Variants in TNS3 observed in about 807,000 individuals in gnomAD.
TNS3 encodes the protein tensin 3.
TNS3 carries 45 observed loss-of-function variants against 140.9 expected under a neutral mutation model. The ratio of observed to expected loss-of-function variants is 0.32; its 90% CI spans 0.25 to 0.41. The LOEUF (loss-of-function observed/expected upper bound fraction) is 0.41, where lower values mean the gene tolerates loss of function less well. Among genes scored for constraint, TNS3 ranks in the 10% least tolerant of loss-of-function variants. The pLI is 1.00. For synonymous variants in TNS3, 815 were observed against 788.4 expected, an observed-to-expected ratio of 1.03 and a Z score of -0.56; for missense variants, 1,716 against 1,906.7, an observed-to-expected ratio of 0.90 and a Z score of 1.86.
In TNS3 at chr7:47,359,425, A is replaced by C. The variant is rs1790193133; in HGVS notation, c.2281+8940T>G. 2.0e-5 allele frequency among the ~76,000 whole-genome samples: 3 copies of C among 152,292 alleles called. No individual in the cohort carries two copies. The South Asian group carries it at 6.2e-4, about 32-fold the overall frequency. ...ACAGGAAGTGACTTCAGGGGGTATAAGGTTTCCCTTTGGGATGACGACAAA... is the reference window on the plus strand; with the variant it reads ...ACAGGAAGTGACTTCAGGGGGTATACGGTTTCCCTTTGGGATGACGACAAA... On this transcript the variant is annotated intron_variant, in intron 17 of 30. Transcript: ENST00000311160.
intron 7 of TNS3, 91 bp downstream of exon 7, chr7:47,437,172 T>C (rs957039151): frequency 4.8e-6 from 4 of 825,790 alleles, no homozygotes; most frequent in Admixed American, 2.7e-5. Flanking sequence ...CAAGTCACAT[T>C]CCACAAAGAC....
chr7:47,294,201 G>A (rs1039290731), intron 24 of TNS3, among the ~76,000 whole-genome samples: 1 of 152,184 alleles, frequency 6.6e-6, no homozygotes, highest in Non-Finnish European at 1.5e-5. Context: ...AAGAGGAGAG[G>A]TGAGAAAGGC....
chr7:47,407,521 A>C lies in TNS3; in HGVS notation c.723+4206T>G, dbSNP rs149181616. ...CCACAGCCACAGGGACTGGGCCGTCAATGGCACCTGACTGCGCTAGTAATC... is the reference window on the plus strand; with the variant it reads ...CCACAGCCACAGGGACTGGGCCGTCCATGGCACCTGACTGCGCTAGTAATC... On this transcript the variant is annotated intron_variant, in intron 13 of 30. Transcript: ENST00000311160. This position sits in a 1 kb window ranked among gnomAD's most constrained non-coding sequence, Gnocchi z 4.1. Among the ~76,000 whole-genome samples, 875 of 152,312 alleles carry C rather than the reference A, an allele frequency of 5.7e-3. 11 individuals are homozygous for C. Among genetic ancestry groups the C allele is most frequent in the African/African-American group, 0.02 (828 of 41,578 alleles).
intron 3 of TNS3, among the ~76,000 whole-genome samples, chr7:47,502,904 C>T (rs547207015): frequency 6.6e-6 from 1 of 152,284 alleles, no homozygotes; most frequent in Admixed American, 6.5e-5. Flanking sequence ...GAGGCACATG[C>T]AGAGAGAGAA....
At chr7:47,410,701 G>A (rs753043211) in intron 13 of TNS3, among the ~76,000 whole-genome samples, 2 of 152,150 alleles carry the variant, frequency 1.3e-5, no homozygotes, top group African/African-American at 2.4e-5. Context: ...ACTTTGTATA[G>A]GGTATTTATA....
Position 47,368,745 on chromosome 7 carries a change from G to A in TNS3, c.1901C>T (p.Thr634Ile). 1 of 1,582,148 alleles carries A rather than the reference G, an allele frequency of 6.3e-7. No individual in the cohort carries two copies. Among genetic ancestry groups the A allele is most frequent in the Non-Finnish European group, 8.6e-7 (1 of 1,163,832 alleles). ...QAQPRVPLTP[T>I]RGTSSRVAVQ... ...AGCCACCCTACTGCTGGTCCCTCGG[G>A]TGGGGGTGAGTGGCACTCTGGGCTG... The change falls in exon 17 of 31, where the codon ACC becomes ATC. Residue 634 changes from threonine (T) to isoleucine (I), a missense_variant. Thr to Ile is a moderately conservative substitution (Grantham distance 89). Coordinates refer to ENST00000311160, the MANE Select transcript of TNS3 (RefSeq NM_022748.12).
At chr7:47,360,572 A>G (rs796300816) in intron 17 of TNS3, among the ~76,000 whole-genome samples, 16 of 152,240 alleles carry the variant, frequency 1.1e-4, no homozygotes, top group African/African-American at 3.9e-4. Flanking sequence ...GACCTCACTC[A>G]GCTCCCTGGA....
intron 20 of TNS3, among the ~76,000 whole-genome samples, chr7:47,338,463 C>G (rs1026460378): frequency 5.9e-5 from 9 of 152,164 alleles, no homozygotes; most frequent in Non-Finnish European, 1.3e-4. Flanking sequence ...GCTCATAAGC[C>G]ACCTCTACGT....
At chr7:47,396,175 C>T (rs1244754565) in intron 16 of TNS3, among the ~76,000 whole-genome samples, 1 of 152,216 alleles carries the variant, frequency 6.6e-6, no homozygotes, top group Admixed American at 6.5e-5. Flanking sequence ...CAATTCCCCT[C>T]CTTTGAAATC....
chr7:47,442,000 C>T lies in TNS3; in HGVS notation c.-23+3G>A, dbSNP rs1180955591. The T allele has an allele frequency of 1.6e-6, 2 of 1,290,252 alleles. No homozygotes were observed. The highest frequency in any genetic ancestry group is 2.1e-4 in the Middle Eastern group (1 of 4,724). The allele number at this position is 1,290,252 out of a possible 1,614,324, so 79.9% of individuals were successfully genotyped here. On this transcript the variant is annotated splice_donor_region_variant and intron_variant, in intron 5 of 30. Coordinates refer to ENST00000311160, the MANE Select transcript of TNS3 (RefSeq NM_022748.12). ...GGAATGCATGACCCACACAGACACT[C>T]ACCGCAGAGGTTTATCACGGCAGAG...
intron 3 of TNS3, chr7:47,481,675 G>A: frequency 1.0e-6 from 1 of 985,438 alleles, no homozygotes; most frequent in Non-Finnish European, 1.2e-6. Context: ...TTCCGCACAA[G>A]AGACGGGGAG....
In TNS3 at chr7:47,291,994, C is replaced by T; in HGVS notation, c.3889G>A (p.Ala1297Thr). ...EEIAESSPQT[A>T]ANSAAELLKQ... is the part of the protein sequence containing the mutation. ...AACAGCTCAGCTGCTGAATTGGCTG[C>T]CGTCTGGGGAGAACTTTCTGCTATT... The change falls in exon 27 of 31, where the codon GCA (alanine) becomes ACA (threonine). Residue 1297 changes from alanine (A) to threonine (T), a missense_variant. Ala to Thr is a moderately conservative substitution (Grantham distance 58). Around this residue, in one of 3 missense-constraint regions of TNS3, gnomAD observed 216 missense variants for 295.7 expected, o/e 0.73. Coordinates refer to ENST00000311160, the MANE Select transcript of TNS3 (RefSeq NM_022748.12). 1 of 1,614,046 alleles carries T rather than the reference C, an allele frequency of 6.2e-7. No homozygotes were observed. Among genetic ancestry groups the T allele is most frequent in the Non-Finnish European group, 8.5e-7 (1 of 1,179,982 alleles).
intron 4 of TNS3, among the ~76,000 whole-genome samples, chr7:47,479,702 C>T (rs544335905): frequency 4.6e-5 from 7 of 152,362 alleles, no homozygotes; most frequent in African/African-American, 1.7e-4. Flanking sequence ...CAAATGCATA[C>T]TTTGCTCTTC....
intron 17 of TNS3, 50 bp downstream of exon 17, chr7:47,368,315 C>T: frequency 7.0e-7 from 1 of 1,424,968 alleles, no homozygotes. Flanking sequence ...ACACATTAGC[C>T]TCCCGTGGAG....
intron 4 of TNS3, among the ~76,000 whole-genome samples, chr7:47,453,868 G>A (rs571965754): frequency 1.1e-4 from 16 of 152,332 alleles, no homozygotes; most frequent in Non-Finnish European, 2.1e-4. Flanking sequence ...GGGCCACATC[G>A]TGTCCTCAGC....
chr7:47,343,072 T>C (rs778491129), intron 20 of TNS3, among the ~76,000 whole-genome samples: 6 of 152,352 alleles, frequency 3.9e-5, no homozygotes, highest in Middle Eastern at 3.4e-3. Context: ...AGCCCTGACT[T>C]CTTCTGTGTG....
intron 17 of TNS3, among the ~76,000 whole-genome samples, chr7:47,350,619 G>C (rs1052951041): frequency 6.6e-6 from 1 of 152,130 alleles, no homozygotes; most frequent in Non-Finnish European, 1.5e-5. Flanking sequence ...AGCAGTAGAT[G>C]CTCACTCAGA....
chr7:47,309,757 A>G (rs1202291780), intron 20 of TNS3, among the ~76,000 whole-genome samples: 1 of 152,244 alleles, frequency 6.6e-6, no homozygotes, highest in Non-Finnish European at 1.5e-5. Flanking sequence ...TACAATCTGT[A>G]AACCCTTATC....
chr7:47,396,699 T>A (rs1197410437), intron 16 of TNS3, 101 bp downstream of exon 16: 1 of 974,256 alleles, frequency 1.0e-6, no homozygotes, highest in Non-Finnish European at 1.6e-6. Flanking sequence ...CAGGGGAAAT[T>A]TTTTCTTCTT....
Sources: allele counts gnomAD v4.1 joint callset (sites outside exome capture counted in the v4.1 genomes callset), GRCh38; gene constraint gnomAD v4.1.1; regional missense constraint gnomAD v4.1.1; non-coding constraint Gnocchi (gnomAD v3.1); transcripts MANE v1.5; gene names NCBI Gene and HGNC (gene_info 2026-07-23, HGNC 2026-07-21).